The following MFSD8 variants were observed in gnomAD, a reference collection of about 807,000 sequenced individuals.
The protein encoded by MFSD8 is major facilitator superfamily domain-containing protein 8.
In MFSD8, 55 loss-of-function variants were observed where a neutral mutation model predicts 66.4. That is an observed-to-expected ratio of 0.83 (90% confidence interval 0.67 to 1.04). The LOEUF (loss-of-function observed/expected upper bound fraction) is 1.04, where lower values mean the gene tolerates loss of function less well. Ranked by LOEUF, MFSD8 falls within the 50% of genes least tolerant of loss-of-function variation. The pLI is 0.00. For missense variants in MFSD8, 550 were observed against 627.6 expected, an observed-to-expected ratio of 0.88 and a Z score of 1.32; for synonymous variants, 202 against 212.8, an observed-to-expected ratio of 0.95 and a Z score of 0.44.
intron 4 of MFSD8, among the ~76,000 whole-genome samples, chr4:127,942,637 G>A (rs900113136): frequency 3.4e-5 from 5 of 148,376 alleles, no homozygotes; most frequent in Admixed American, 6.8e-5. Context: ...CCAAGATCAC[G>A]CCACTGCACT....
At chr4:127,926,612 A>T (rs1233732940) in intron 9 of MFSD8, among the ~76,000 whole-genome samples, 1 of 152,132 alleles carries the variant, frequency 6.6e-6, no homozygotes, top group African/African-American at 2.4e-5. Flanking sequence ...TTCTGTAGCA[A>T]GATGTAATGT....
chr4:127,935,051 AATAAGT>A (rs1426938841), intron 7 of MFSD8, among the ~76,000 whole-genome samples: 1 of 152,102 alleles, frequency 6.6e-6, no homozygotes, highest in Non-Finnish European at 1.5e-5. Flanking sequence ...CTCCTCCAAC[AATAAGT>A]AGATTTGGAA....
At chr4:127,963,836 A>T (rs1202925871) in intron 1 of MFSD8, among the ~76,000 whole-genome samples, 1 of 152,182 alleles carries the variant, frequency 6.6e-6, no homozygotes, top group Non-Finnish European at 1.5e-5. Context: ...GGCCCCACCC[A>T]CATCCTGCTG....
Position 127,920,610 on chromosome 4 carries a change from C to A in MFSD8, c.*20G>T. ...GGAAGTGCCACACAGCAAGTAGTTTCCATCACAGTCTTAGCTAGTTTATTC... is the reference window on the plus strand; with the variant it reads ...GGAAGTGCCACACAGCAAGTAGTTTACATCACAGTCTTAGCTAGTTTATTC... On this transcript the variant is annotated 3_prime_UTR_variant, in exon 12 of 12. Coordinates refer to ENST00000641686, the MANE Select transcript of MFSD8 (RefSeq NM_001371596.2). The A allele has an allele frequency of 6.2e-7, 1 of 1,613,058 alleles. No homozygotes were observed. Among genetic ancestry groups the A allele is most frequent in the South Asian group, 1.1e-5 (1 of 91,056 alleles).
chr4:127,920,365 T>C lies in MFSD8; in HGVS notation c.*265A>G. 1 of 460,022 alleles carries C rather than the reference T, an allele frequency of 2.2e-6. No homozygotes were observed. Among genetic ancestry groups the C allele is most frequent in the South Asian group, 2.1e-5 (1 of 46,570 alleles). The allele number at this position is 460,022 out of a possible 1,614,324, so 28.5% of individuals were successfully genotyped here. On this transcript the variant is annotated 3_prime_UTR_variant, in exon 12 of 12. Coordinates refer to ENST00000641686, the MANE Select transcript of MFSD8 (RefSeq NM_001371596.2). ...TATTCATCATTGTCCATTCACTCAT[T>C]AGTTCATGCAACCACAAAAAGGTAT...
chr4:127,931,986 C>T (rs191732298), intron 8 of MFSD8, among the ~76,000 whole-genome samples: 111 of 152,216 alleles, frequency 7.3e-4, no homozygotes, highest in African/African-American at 2.3e-3. Flanking sequence ...TGGCGCATGC[C>T]TGTGGTCCCA....
chr4:127,921,641 G>A lies in MFSD8; in HGVS notation c.1233C>T (p.Thr411=), dbSNP rs1478473457. Residue 411 remains threonine (T), a synonymous_variant, in exon 11 of 12, where the codon ACC becomes ACT. Transcript: ENST00000641686. ...CSIEQAWCLY[T]PVIHLAQFLT... The stretch of plus-strand genomic sequence containing the variant: ...GGAACTGGGCCAGATGAATCACCGG[G>A]GTGTAGAGGCACCAGGCTTGTTCAA... 6.2e-7 allele frequency: 1 copy of A among 1,614,108 alleles called. No individual in the cohort carries two copies. Among genetic ancestry groups the A allele is most frequent in the Non-Finnish European group, 8.5e-7 (1 of 1,180,016 alleles).
At chr4:127,935,150 G>A (rs1738851673) in intron 7 of MFSD8, among the ~76,000 whole-genome samples, 1 of 152,194 alleles carries the variant, frequency 6.6e-6, no homozygotes, top group Non-Finnish European at 1.5e-5. Flanking sequence ...CACACAAAGA[G>A]AACTGGCCAC....
At chr4:127,961,133 T>TAACA (rs1743667547) in intron 1 of MFSD8, among the ~76,000 whole-genome samples, 1 of 152,192 alleles carries the variant, frequency 6.6e-6, no homozygotes, top group South Asian at 2.1e-4. Context: ...TCAACCTTGT[T>TAACA]AGTGAGGAAA....
chr4:127,924,322 C>A lies in MFSD8; in HGVS notation c.999-2359G>T, dbSNP rs112592707. Among the ~76,000 whole-genome samples the A allele has an allele frequency of 5.5e-3, 837 of 152,104 alleles. 12 individuals are homozygous for A. The highest frequency in any genetic ancestry group is 0.019 in the African/African-American group (794 of 41,486). ...TAGAGAATACTGTGGTATTCTCTGA[C>A]GGTAGTTTGTATTTCTGTGGGACCA... On this transcript the variant is annotated intron_variant, in intron 9 of 11. Transcript: ENST00000641686.
At chr4:127,954,754 G>A (rs1048748821) in intron 2 of MFSD8, among the ~76,000 whole-genome samples, 6 of 152,126 alleles carry the variant, frequency 3.9e-5, no homozygotes, top group Non-Finnish European at 7.3e-5. Flanking sequence ...ATTGGATAAG[G>A]GGCTAACATT....
chr4:127,919,814 T>A lies in MFSD8; in HGVS notation c.*816A>T, dbSNP rs1736133898. On this transcript the variant is annotated 3_prime_UTR_variant, in exon 12 of 12. Transcript: ENST00000641686. Reference sequence around the variant, plus strand: ...GGGGGTTGAAAAATAGCAATAATTTTAAGAAACCATTTACTGTTTTGTATA... The same window carrying A: ...GGGGGTTGAAAAATAGCAATAATTTAAAGAAACCATTTACTGTTTTGTATA... 6.6e-6 allele frequency: 1 copy of A among 152,296 alleles called. No homozygotes were observed. The highest frequency in any genetic ancestry group is 2.4e-5 in the African/African-American group (1 of 41,558). 9.4% of individuals were successfully genotyped at this position (152,296 alleles called of 1,614,324 possible).
chr4:127,954,565 G>A (rs1282918287), intron 2 of MFSD8, among the ~76,000 whole-genome samples: 5 of 152,182 alleles, frequency 3.3e-5, no homozygotes, highest in Non-Finnish European at 7.3e-5. Context: ...GCAGCGAGCC[G>A]AGATAGTGCC....
intron 8 of MFSD8, 47 bp from the exon 9 acceptor site, chr4:127,930,864 G>A: frequency 6.5e-7 from 1 of 1,543,464 alleles, no homozygotes; most frequent in Non-Finnish European, 8.9e-7. Flanking sequence ...CACAGTAACT[G>A]TTATACTTAA....
At position 127,939,856 on chromosome 4, in the gene MFSD8, A is replaced by C; in HGVS notation, c.695T>G (p.Leu232Arg). The C allele has an allele frequency of 6.2e-7, 1 of 1,611,476 alleles. No homozygotes were observed. Among genetic ancestry groups the C allele is most frequent in the South Asian group, 1.1e-5 (1 of 90,594 alleles). The change falls in exon 6 of 12, where the codon CTA becomes CGA. Residue 232 changes from leucine (L) to arginine (R), a missense_variant. Coordinates refer to ENST00000641686, the MANE Select transcript of MFSD8 (RefSeq NM_001371596.2). ...ILNIILILAI[L>R]REHRVDDSGR... ...TTTATCATTTCTATCTAATTACCTT[A>C]GTATGGCAAGGATCAGAATAATATT...
chr4:127,918,063 A>G lies in MFSD8; in HGVS notation c.*2567T>C, dbSNP rs1282223827. The G allele has an allele frequency of 6.6e-6, 1 of 152,262 alleles. No homozygotes were observed. The highest frequency in any genetic ancestry group is 1.9e-4 in the East Asian group (1 of 5,204). The allele number at this position is 152,262 out of a possible 1,614,324, so 9.4% of individuals were successfully genotyped here. On this transcript the variant is annotated 3_prime_UTR_variant, in exon 12 of 12. Coordinates refer to ENST00000641686, the MANE Select transcript of MFSD8 (RefSeq NM_001371596.2). ...TTTTAAATGTAAAGCTGAACAAGATAGAATGGAGATGCTTTGTGAAGTTAT... is the reference window on the plus strand; with the variant it reads ...TTTTAAATGTAAAGCTGAACAAGATGGAATGGAGATGCTTTGTGAAGTTAT...
Position 127,918,857 on chromosome 4 carries a change from T to C in MFSD8, c.*1773A>G, listed in dbSNP as rs1424231224. 1.3e-5 allele frequency: 2 copies of C among 152,256 alleles called. No homozygotes were observed. Among genetic ancestry groups the C allele is most frequent in the Non-Finnish European group, 2.9e-5 (2 of 68,054 alleles). 9.4% of individuals were successfully genotyped at this position (152,256 alleles called of 1,614,324 possible). A position where few individuals can be genotyped will look rare whatever the true frequency, so the allele number is the denominator to read the frequency against. On this transcript the variant is annotated 3_prime_UTR_variant, in exon 12 of 12. Transcript: ENST00000641686. ...TCCACAAATTTTGCTCTTATCATTT[T>C]CATCATTACCATTATTCTTGTTATT...
chr4:127,949,726 CTCTT>C (rs943965780), intron 3 of MFSD8, 74 bp downstream of exon 3: 3 of 1,199,558 alleles, frequency 2.5e-6, no homozygotes, highest in Admixed American at 2.0e-5. Flanking sequence ...ACCAAAGAGA[CTCTT>C]TAGAAAATGC....
At chr4:127,945,810 T>C (rs1295292412) in intron 3 of MFSD8, among the ~76,000 whole-genome samples, 4 of 152,126 alleles carry the variant, frequency 2.6e-5, no homozygotes, top group African/African-American at 4.8e-5. Context: ...ATTTGTCATC[T>C]CTACTAAAAT....
Sources: allele counts gnomAD v4.1 joint callset (sites outside exome capture counted in the v4.1 genomes callset), GRCh38; gene constraint gnomAD v4.1.1; transcripts MANE v1.5; gene names NCBI Gene and HGNC (gene_info 2026-07-23, HGNC 2026-07-21).